The following RNGTT variants were observed in gnomAD, a reference collection of about 807,000 sequenced individuals.
RNGTT encodes mRNA-capping enzyme.
A neutral mutation model predicts 79.3 loss-of-function variants in RNGTT; 33 were observed. The observed-to-expected ratio is 0.42, with a 90% CI of 0.32 to 0.56. The LOEUF (loss-of-function observed/expected upper bound fraction) is 0.56, where lower values mean the gene tolerates loss of function less well. RNGTT is among the 20% of genes least tolerant of loss of function. The pLI is 0.17. For missense variants in RNGTT, 497 were observed against 739.1 expected (o/e 0.67, Z 3.80); for synonymous variants, 222 against 235.9 (o/e 0.94, Z 0.54).
intron 9 of RNGTT, among the ~76,000 whole-genome samples, chr6:88,852,353 T>C (rs376678839): frequency 1.9e-4 from 29 of 152,212 alleles, no homozygotes; most frequent in African/African-American, 6.7e-4. Context: ...TTAAGTCTTT[T>C]CCTTTCTTAT....
intron 13 of RNGTT, among the ~76,000 whole-genome samples, chr6:88,748,333 T>C (rs1358570283): frequency 6.6e-6 from 1 of 152,060 alleles, no homozygotes; most frequent in African/African-American, 2.4e-5. Flanking sequence ...CACTTAGTCA[T>C]CTCTTGCCAC....
At chr6:88,901,254 T>C (rs1002518735) in intron 6 of RNGTT, among the ~76,000 whole-genome samples, 3 of 151,822 alleles carry the variant, frequency 2.0e-5, no homozygotes, top group Admixed American at 6.6e-5. Context: ...CAGCCAAAAA[T>C]TGTCTAAAAC....
chr6:88,645,958 C>G (rs1192425483), intron 14 of RNGTT, among the ~76,000 whole-genome samples: 4 of 152,186 alleles, frequency 2.6e-5, no homozygotes, highest in Admixed American at 2.0e-4. Flanking sequence ...GACTTCACGT[C>G]TAAAACACCA....
intron 6 of RNGTT, among the ~76,000 whole-genome samples, chr6:88,896,548 C>T (rs902386909): frequency 6.6e-6 from 1 of 152,118 alleles, no homozygotes; most frequent in African/African-American, 2.4e-5. Context: ...AATAAAGGGA[C>T]AAAAGCAGAG....
At position 88,844,539 on chromosome 6, in the gene RNGTT, T is replaced by C; in HGVS notation, c.1105-18A>G. ...GGCTGTGACTGAATTAAATAAAGAA[T>C]TAGTTAAATTTCAACACTAACAACT... On this transcript the variant is annotated intron_variant, in intron 10 of 15. Transcript: ENST00000369485. 6.3e-7 allele frequency: 1 copy of C among 1,593,500 alleles called. No individual in the cohort carries two copies. Among genetic ancestry groups the C allele is most frequent in the South Asian group, 1.1e-5 (1 of 87,292 alleles).
Position 88,715,515 on chromosome 6 carries a change from C to T in RNGTT, c.1440-37096G>A, listed in dbSNP as rs1431984093. Among the ~76,000 whole-genome samples, 3 of 152,142 alleles carry T rather than the reference C, an allele frequency of 2.0e-5. No individual in the cohort carries two copies. In the East Asian group the frequency reaches 5.8e-4, roughly 29 times the overall value. On this transcript the variant is annotated intron_variant, in intron 13 of 15. Coordinates refer to ENST00000369485, the MANE Select transcript of RNGTT (RefSeq NM_003800.5). ...AAGAGCCCGCATTGCCAAGTCAATC[C>T]TAAGCCAAAAGAACAAAGCTGGAGG...
At chr6:88,710,842 CA>C (rs1198291969) in intron 13 of RNGTT, among the ~76,000 whole-genome samples, 1 of 152,098 alleles carries the variant, frequency 6.6e-6, no homozygotes, top group Non-Finnish European at 1.5e-5. Flanking sequence ...ACATATTTCA[CA>C]GTGATTTTTT....
intron 14 of RNGTT, among the ~76,000 whole-genome samples, chr6:88,675,934 T>C (rs1421072900): frequency 1.3e-5 from 2 of 152,208 alleles, no homozygotes; most frequent in Admixed American, 6.5e-5. Context: ...GAGAGCAATG[T>C]GGCCTTAATG....
At chr6:88,951,089 C>T (rs1785230969) in intron 1 of RNGTT, among the ~76,000 whole-genome samples, 1 of 152,054 alleles carries the variant, frequency 6.6e-6, no homozygotes, top group Non-Finnish European at 1.5e-5. Context: ...GAACTCCTGA[C>T]CTCAGGTGAT....
At chr6:88,692,790 C>T (rs888658237) in intron 13 of RNGTT, among the ~76,000 whole-genome samples, 1 of 151,910 alleles carries the variant, frequency 6.6e-6, no homozygotes, top group Admixed American at 6.6e-5. Flanking sequence ...ATCAATTATT[C>T]CTCAAACCTG....
intron 1 of RNGTT, among the ~76,000 whole-genome samples, chr6:88,946,855 G>A (rs540632848): frequency 5.7e-5 from 8 of 140,002 alleles, no homozygotes; most frequent in Non-Finnish European, 1.1e-4. Context: ...TGTGTTGGCC[G>A]GGCCGGTCTC....
At chr6:88,664,312 T>C (rs1380427909) in intron 14 of RNGTT, among the ~76,000 whole-genome samples, 2 of 152,120 alleles carry the variant, frequency 1.3e-5, no homozygotes, top group Non-Finnish European at 2.9e-5. Context: ...GCATGTACAC[T>C]CCCTTTGACC....
At chr6:88,908,936 T>C (rs796518969) in intron 4 of RNGTT, among the ~76,000 whole-genome samples, 34 of 151,862 alleles carry the variant, frequency 2.2e-4, no homozygotes, top group African/African-American at 8.0e-4. Context: ...TGCTGGCTGA[T>C]CCTAAGGGGC....
intron 6 of RNGTT, among the ~76,000 whole-genome samples, chr6:88,902,384 T>C (rs1783501618): frequency 1.3e-5 from 2 of 152,078 alleles, no homozygotes; most frequent in Admixed American, 1.3e-4. Flanking sequence ...AAGATTACTT[T>C]AGGCCAGGAG....
At chr6:88,950,920 G>A (rs555351303) in intron 1 of RNGTT, among the ~76,000 whole-genome samples, 16 of 150,988 alleles carry the variant, frequency 1.1e-4, no homozygotes, top group Non-Finnish European at 1.9e-4. Context: ...ATACAGTGGC[G>A]CGACCTTGGC....
At chr6:88,836,425 C>A (rs1282585689) in intron 11 of RNGTT, among the ~76,000 whole-genome samples, 2 of 152,102 alleles carry the variant, frequency 1.3e-5, no homozygotes, top group South Asian at 2.1e-4. Flanking sequence ...AACCGCAAAA[C>A]CCTTACTAAC....
chr6:88,928,821 C>T (rs1158966413), intron 4 of RNGTT, among the ~76,000 whole-genome samples, 164 bp downstream of exon 4: 6 of 152,090 alleles, frequency 3.9e-5, no homozygotes, highest in Non-Finnish European at 7.4e-5. Flanking sequence ...TATGAAAATA[C>T]ATTTATTACA....
chr6:88,612,626 C>T lies in RNGTT; in HGVS notation c.*93G>A, dbSNP rs922722555. On this transcript the variant is annotated 3_prime_UTR_variant, in exon 16 of 16. Transcript: ENST00000369485. Reference sequence around the variant, plus strand: ...TCAAATGTGTATCAACATCAAGCCACAGTCGTTTTTCAATTTCTCTGGCTA... The same window carrying T: ...TCAAATGTGTATCAACATCAAGCCATAGTCGTTTTTCAATTTCTCTGGCTA... 3.1e-6 allele frequency: 4 copies of T among 1,305,138 alleles called. No individual in the cohort carries two copies. Among genetic ancestry groups the T allele is most frequent in the Non-Finnish European group, 4.3e-6 (4 of 936,814 alleles). The allele number at this position is 1,305,138 out of a possible 1,614,324, so 80.8% of individuals were successfully genotyped here.
chr6:88,711,457 C>A (rs1007953606), intron 13 of RNGTT, among the ~76,000 whole-genome samples: 57 of 152,080 alleles, frequency 3.7e-4, no homozygotes, highest in Non-Finnish European at 7.5e-4. Flanking sequence ...TGTTCTTAAC[C>A]AAACTAATCT....
Sources: allele counts gnomAD v4.1 joint callset (sites outside exome capture counted in the v4.1 genomes callset), GRCh38; gene constraint gnomAD v4.1.1; transcripts MANE v1.5; gene names NCBI Gene and HGNC (gene_info 2026-07-23, HGNC 2026-07-21).